Variants in CALCOCO2 observed in about 807,000 individuals in gnomAD.
The protein encoded by CALCOCO2 is calcium binding and coiled-coil domain 2, also known as calcium-binding and coiled-coil domain-containing protein 2.
In CALCOCO2, 42 loss-of-function variants were observed where a neutral mutation model predicts 62.5. The ratio of observed to expected loss-of-function variants is 0.67; its 90% CI spans 0.53 to 0.87. CALCOCO2 has a LOEUF of 0.87. Among genes scored for constraint, CALCOCO2 ranks in the 40% least tolerant of loss-of-function variants. CALCOCO2 has a pLI of 0.00. For missense variants in CALCOCO2, 456 were observed against 515.0 expected, an observed-to-expected ratio of 0.89 and a Z score of 1.11; for synonymous variants, 167 against 173.0, an observed-to-expected ratio of 0.97 and a Z score of 0.27.
At chr17:48,853,136 G>T in intron 9 of CALCOCO2, 124 bp downstream of exon 9, 1 of 646,620 alleles carries the variant, frequency 1.5e-6, no homozygotes, top group East Asian at 2.8e-5. Flanking sequence ...TAGATGTTTT[G>T]CTTTCTAGCC....
At chr17:48,849,866 A>C (rs938173367) in intron 5 of CALCOCO2, among the ~76,000 whole-genome samples, 2 of 152,118 alleles carry the variant, frequency 1.3e-5, no homozygotes, top group Admixed American at 6.6e-5. Context: ...GGTTAAATAT[A>C]CTATCATTTG....
chr17:48,850,917 TAAAAA>T (rs35936083), intron 5 of CALCOCO2, 167 bp from the exon 6 acceptor site: 50 of 358,598 alleles, frequency 1.4e-4, no homozygotes, highest in East Asian at 2.9e-4. Flanking sequence ...GACACTGTCT[TAAAAA>T]AAAAAAAAAA....
chr17:48,860,930 C>T (rs1267299639), intron 11 of CALCOCO2, among the ~76,000 whole-genome samples: 1 of 152,078 alleles, frequency 6.6e-6, no homozygotes, highest in Non-Finnish European at 1.5e-5. Context: ...GGTAACATGT[C>T]CTTGCCAAAC....
Position 48,851,597 on chromosome 17 carries a change from A to G in CALCOCO2, c.671A>G (p.Glu224Gly). Residue 224 changes from glutamate (E) to glycine (G), a missense_variant, in exon 7 of 13, where the codon GAG becomes GGG. Physicochemically the swap from Glu to Gly is moderately conservative, Grantham distance 98. This residue lies in a region of CALCOCO2 where 236 missense variants were observed against 225.3 expected (regional missense o/e 1.05). Transcript: ENST00000258947. ...EQNQKMSSEN[E>G]KMGIRVDQLQ... Reference sequence around the variant, plus strand: ...AACCAGAAGATGTCCTCAGAAAATGAGAAGATGGGAATCAGAGTGGATCAG... The same window carrying G: ...AACCAGAAGATGTCCTCAGAAAATGGGAAGATGGGAATCAGAGTGGATCAG... 1 of 1,603,398 alleles carries G rather than the reference A, an allele frequency of 6.2e-7. No homozygotes were observed. The highest frequency in any genetic ancestry group is 8.5e-7 in the Non-Finnish European group (1 of 1,170,122).
Position 48,848,305 on chromosome 17 carries a change from T to A in CALCOCO2, c.284-17T>A. 6.2e-7 allele frequency: 1 copy of A among 1,608,726 alleles called. No homozygotes were observed. Among genetic ancestry groups the A allele is most frequent in the Non-Finnish European group, 8.5e-7 (1 of 1,176,618 alleles). ...AATAGATCTTATTTTGGATGAAAAA[T>A]TATGTTGTGTTTTCAGCTTACTACC... On this transcript the variant is annotated splice_polypyrimidine_tract_variant and intron_variant, in intron 3 of 12. Coordinates refer to ENST00000258947, the MANE Select transcript of CALCOCO2 (RefSeq NM_005831.5).
intron 10 of CALCOCO2, among the ~76,000 whole-genome samples, chr17:48,857,998 A>AGAATG (rs2040249758): frequency 4.4e-5 from 1 of 22,544 alleles, no homozygotes; most frequent in Non-Finnish European, 1.2e-4. Context: ...AGAATAGAAT[A>AGAATG]GAATAGAATA....
intron 1 of CALCOCO2, among the ~76,000 whole-genome samples, chr17:48,833,546 CAAAAA>C (rs10583747): frequency 3.9e-5 from 5 of 128,500 alleles, no homozygotes; most frequent in African/African-American, 5.8e-5. Context: ...GACTCTGTCT[CAAAAA>C]AAAAAAAAAA....
chr17:48,844,054 T>C (rs938883338), intron 2 of CALCOCO2: 1 of 152,286 alleles, frequency 6.6e-6, no homozygotes, highest in African/African-American at 2.4e-5. Context: ...TGGCTAATTT[T>C]GTATTTTTAG....
intron 7 of CALCOCO2, 154 bp downstream of exon 7, chr17:48,851,782 T>C: frequency 1.7e-6 from 1 of 604,112 alleles, no homozygotes. Flanking sequence ...TATTTTCCAT[T>C]CTTGGACCAG....
chr17:48,862,684 A>C (rs2040344964), intron 12 of CALCOCO2, among the ~76,000 whole-genome samples, 154 bp from the exon 13 acceptor site: 1 of 152,220 alleles, frequency 6.6e-6, no homozygotes, highest in South Asian at 2.1e-4. Context: ...GCATCTTCAA[A>C]TGTGCATTCT....
rs138961879 is a variant in CALCOCO2, at chr17:48,841,857, T to C, written c.150T>C (p.Pro50=). 278 of 1,612,836 alleles carry C rather than the reference T, an allele frequency of 1.7e-4. No individual in the cohort carries two copies. The highest frequency in any genetic ancestry group is 2.3e-4 in the Non-Finnish European group (271 of 1,179,402). Residue 50 remains proline (P), a synonymous_variant, in exon 2 of 13, where the codon CCT becomes CCC. Transcript: ENST00000258947. ...ATACCTTCACCCAGCATTTCATCCC[T>C]CGTCGAAAGGATTGGATTGGCATCT... ...CHYTFTQHFI[P]RRKDWIGIFR...
At chr17:48,831,610 G>T (rs1290072683) in intron 1 of CALCOCO2, 1 of 152,236 alleles carries the variant, frequency 6.6e-6, no homozygotes, top group African/African-American at 2.4e-5. Flanking sequence ...CGGAGAAGAC[G>T]TTCTAGGCAG....
chr17:48,855,863 CAAAAA>C (rs11463396), intron 9 of CALCOCO2: 62 of 167,654 alleles, frequency 3.7e-4, no homozygotes, highest in Middle Eastern at 2.0e-3. Flanking sequence ...TCAGCTAAAC[CAAAAA>C]AAAAAAAAAA....
rs199665295 is a variant in CALCOCO2 at position 48,852,914 on chromosome 17, C to G, written c.826-12C>G. On this transcript the variant is annotated splice_polypyrimidine_tract_variant and intron_variant, in intron 8 of 12. Transcript: ENST00000258947. ...TTTCCCAGCAATGGTACTGAAATCT[C>G]TTTTTGTGCAGAGGAAGGACCAGAA... The G allele has an allele frequency of 6.2e-7, 1 of 1,604,790 alleles. No individual in the cohort carries two copies. Among genetic ancestry groups the G allele is most frequent in the East Asian group, 2.2e-5 (1 of 44,820 alleles).
intron 1 of CALCOCO2, among the ~76,000 whole-genome samples, chr17:48,838,585 G>A (rs1405952480): frequency 1.3e-5 from 2 of 152,116 alleles, no homozygotes; most frequent in South Asian, 4.2e-4. Flanking sequence ...ATGGTGGCAG[G>A]CGTCTGTAGT....
intron 2 of CALCOCO2, chr17:48,845,975 G>T: frequency 1.4e-6 from 1 of 694,080 alleles, no homozygotes; most frequent in Non-Finnish European, 2.4e-6. Flanking sequence ...ATGAAGAGTT[G>T]GCTGTAAAGT....
intron 1 of CALCOCO2, among the ~76,000 whole-genome samples, chr17:48,833,953 A>G (rs1297325428): frequency 2.6e-5 from 4 of 151,830 alleles, no homozygotes; most frequent in East Asian, 1.9e-4. Flanking sequence ...ACATGGTGAA[A>G]CCCTGTCTCT....
intron 9 of CALCOCO2, 77 bp downstream of exon 9, chr17:48,853,089 G>A (rs952433609): frequency 1.1e-4 from 103 of 956,372 alleles, no homozygotes; most frequent in African/African-American, 7.6e-4. Context: ...CCTATTTTCC[G>A]GTTGATGGAC....
intron 2 of CALCOCO2, among the ~76,000 whole-genome samples, chr17:48,845,160 G>T (rs1481295239): frequency 6.6e-6 from 1 of 151,768 alleles, no homozygotes; most frequent in African/African-American, 2.4e-5. Context: ...TTTTAAAGAT[G>T]TATCTATATT....
Sources: allele counts gnomAD v4.1 joint callset (sites outside exome capture counted in the v4.1 genomes callset), GRCh38; gene constraint gnomAD v4.1.1; regional missense constraint gnomAD v4.1.1; transcripts MANE v1.5; gene names NCBI Gene and HGNC (gene_info 2026-07-23, HGNC 2026-07-21).